Variants in CDH13 observed in about 807,000 individuals in gnomAD.
The protein encoded by CDH13 is cadherin-13.
A neutral mutation model predicts 63.8 loss-of-function variants in CDH13; 24 were observed. That is an observed-to-expected ratio of 0.38 (90% CI 0.27 to 0.53). The LOEUF (loss-of-function observed/expected upper bound fraction) is 0.53, where lower values mean the gene tolerates loss of function less well. Among genes scored for constraint, CDH13 ranks in the 20% least tolerant of loss-of-function variants. The probability of loss-of-function intolerance (pLI) is 0.85; values close to 1 mark genes in which losing one functional copy is unlikely to be tolerated. For missense variants in CDH13, 1,049 were observed against 903.1 expected, an observed-to-expected ratio of 1.16 and a Z score of -2.07; for synonymous variants, 503 against 355.3, an observed-to-expected ratio of 1.42 and a Z score of -4.67.
intron 5 of CDH13, among the ~76,000 whole-genome samples, chr16:83,254,489 C>T (rs1304894490): frequency 6.6e-6 from 1 of 152,162 alleles, no homozygotes; most frequent in African/African-American, 2.4e-5. Flanking sequence ...CAACAAGGCA[C>T]GCAGGATCAA....
intron 6 of CDH13, among the ~76,000 whole-genome samples, chr16:83,466,398 G>A (rs2073316714): frequency 6.6e-6 from 1 of 152,176 alleles, no homozygotes; most frequent in Non-Finnish European, 1.5e-5. Context: ...CTTATATACA[G>A]AAACAGTCCA....
chr16:82,828,779 C>G (rs1002944086), intron 1 of CDH13, among the ~76,000 whole-genome samples: 1 of 151,852 alleles, frequency 6.6e-6, no homozygotes, highest in Non-Finnish European at 1.5e-5. Context: ...CATTTACATT[C>G]TATTAGGTAT....
At chr16:83,021,830 C>G (rs542291888) in intron 2 of CDH13, among the ~76,000 whole-genome samples, 1 of 152,252 alleles carries the variant, frequency 6.6e-6, no homozygotes, top group Admixed American at 6.5e-5. Context: ...GACTCTAGGC[C>G]AAACATGGAA....
intron 8 of CDH13, among the ~76,000 whole-genome samples, chr16:83,629,665 C>G (rs75472896): frequency 2.0e-5 from 3 of 152,324 alleles, no homozygotes; most frequent in East Asian, 1.9e-4. Flanking sequence ...TCATTTATCA[C>G]TCTGGGGACA....
rs189239609 is a variant in CDH13 at position 82,804,594 on chromosome 16, T to C, written c.46-53768T>C. Among the ~76,000 whole-genome samples the C allele has an allele frequency of 1.1e-4, 16 of 152,290 alleles. No individual in the cohort carries two copies. The East Asian group carries it at 2.5e-3, about 24-fold the overall frequency. Reference sequence around the variant, plus strand: ...TTCCTCATTTTCCCCATATGAAAAATAGTGGATTTAATATATGCCTTATCA... The same window carrying C: ...TTCCTCATTTTCCCCATATGAAAAACAGTGGATTTAATATATGCCTTATCA... On this transcript the variant is annotated intron_variant, in intron 1 of 13. Transcript: ENST00000567109.
intron 3 of CDH13, among the ~76,000 whole-genome samples, chr16:83,080,265 C>A (rs145449634): frequency 6.6e-6 from 1 of 152,124 alleles, no homozygotes; most frequent in African/African-American, 2.4e-5. Context: ...TGATGACAGC[C>A]AGCTGTTTGG....
chr16:83,145,571 G>A lies in CDH13; in HGVS notation c.483+20070G>A, dbSNP rs182668499. Among the ~76,000 whole-genome samples the A allele has an allele frequency of 3.5e-3, 533 of 152,270 alleles. 5 individuals are homozygous for A. The highest frequency in any genetic ancestry group is 0.011 in the African/African-American group (459 of 41,548). The stretch of plus-strand genomic sequence containing the variant: ...CAGTTCTGCAAATGGAAACAAACAC[G>A]CCATCATTCAGGGTCCCACTTTGAT... On this transcript the variant is annotated intron_variant, in intron 4 of 13. Coordinates refer to ENST00000567109, the MANE Select transcript of CDH13 (RefSeq NM_001257.5).
chr16:82,953,877 A>T (rs1905655981), intron 2 of CDH13: 1 of 152,332 alleles, frequency 6.6e-6, no homozygotes, highest in African/African-American at 2.4e-5. Flanking sequence ...GTAGGTAACA[A>T]TTATTAAGTG....
intron 1 of CDH13, among the ~76,000 whole-genome samples, chr16:82,638,688 C>G (rs1026434396): frequency 6.6e-6 from 1 of 152,076 alleles, no homozygotes; most frequent in African/African-American, 2.4e-5. Context: ...TTTGCCAATT[C>G]CCATATTAGT....
At chr16:83,499,238 C>A (rs774770678) in intron 7 of CDH13, among the ~76,000 whole-genome samples, 15 of 152,186 alleles carry the variant, frequency 9.9e-5, no homozygotes, top group Non-Finnish European at 2.1e-4. Context: ...AGATGTTCAC[C>A]ATGTATCAGC....
chr16:82,980,989 C>G (rs922548098), intron 2 of CDH13, among the ~76,000 whole-genome samples: 1 of 152,072 alleles, frequency 6.6e-6, no homozygotes, highest in African/African-American at 2.4e-5. Context: ...TTTTTCTCAT[C>G]CCCTAAATTT....
At chr16:82,763,632 C>G (rs1567510195) in intron 1 of CDH13, among the ~76,000 whole-genome samples, 2 of 152,152 alleles carry the variant, frequency 1.3e-5, no homozygotes, top group Non-Finnish European at 2.9e-5. Context: ...GAGTTGATAT[C>G]TGTCTTTTCA....
At chr16:83,557,721 T>C (rs1177321311) in intron 7 of CDH13, among the ~76,000 whole-genome samples, 1 of 152,040 alleles carries the variant, frequency 6.6e-6, no homozygotes, top group Non-Finnish European at 1.5e-5. Context: ...TCTTCCTAGA[T>C]AGTACTGTTA....
chr16:83,376,211 T>A (rs763501791), intron 6 of CDH13, among the ~76,000 whole-genome samples: 6 of 152,170 alleles, frequency 3.9e-5, no homozygotes, highest in Non-Finnish European at 7.3e-5. Flanking sequence ...CCCATGTAAC[T>A]CCCTTTAAAG....
At chr16:83,548,165 G>C (rs930738844) in intron 7 of CDH13, among the ~76,000 whole-genome samples, 7 of 152,094 alleles carry the variant, frequency 4.6e-5, no homozygotes, top group Non-Finnish European at 7.4e-5. Flanking sequence ...AACCTAGTGG[G>C]GGTGCCAGGG....
chr16:83,350,381 C>A (rs2090928196), intron 6 of CDH13, among the ~76,000 whole-genome samples: 1 of 152,230 alleles, frequency 6.6e-6, no homozygotes, highest in Admixed American at 6.5e-5. Context: ...ATGAATGTGG[C>A]ATTTACCTAA....
chr16:82,774,607 A>G (rs994796831), intron 1 of CDH13, among the ~76,000 whole-genome samples: 2 of 152,198 alleles, frequency 1.3e-5, no homozygotes, highest in East Asian at 3.8e-4. Flanking sequence ...GTCCTTTCAT[A>G]TAGATTTTAT....
intron 3 of CDH13, among the ~76,000 whole-genome samples, chr16:83,066,587 A>C (rs1194667751): frequency 6.6e-6 from 1 of 152,258 alleles, no homozygotes; most frequent in Non-Finnish European, 1.5e-5. Flanking sequence ...GACAAGGACC[A>C]GGAAACTCAA....
chr16:82,857,133 G>A (rs2039735649), intron 1 of CDH13, among the ~76,000 whole-genome samples: 1 of 152,202 alleles, frequency 6.6e-6, no homozygotes, highest in Non-Finnish European at 1.5e-5. Flanking sequence ...GTTCCTTTGA[G>A]GACACTTGAA....
Sources: allele counts gnomAD v4.1 joint callset (sites outside exome capture counted in the v4.1 genomes callset), GRCh38; gene constraint gnomAD v4.1.1; transcripts MANE v1.5; gene names NCBI Gene and HGNC (gene_info 2026-07-23, HGNC 2026-07-21).